The following SLC22A3 variants were observed in gnomAD, a reference collection of about 807,000 sequenced individuals.
SLC22A3 encodes the protein solute carrier family 22 member 3.
A neutral mutation model predicts 59.1 loss-of-function variants in SLC22A3; 51 were observed. That is an observed-to-expected ratio of 0.86 (90% CI 0.69 to 1.09). SLC22A3 has a LOEUF of 1.09. Among genes scored for constraint, SLC22A3 ranks in the 50% least tolerant of loss-of-function variants. The pLI is 0.00. For synonymous variants in SLC22A3, 325 were observed against 292.0 expected, an observed-to-expected ratio of 1.11 and a Z score of -1.15; for missense variants, 711 against 726.3, an observed-to-expected ratio of 0.98 and a Z score of 0.24.
chr6:160,384,091 A>G (rs1467425069), intron 1 of SLC22A3, among the ~76,000 whole-genome samples: 1 of 152,128 alleles, frequency 6.6e-6, no homozygotes, highest in Non-Finnish European at 1.5e-5. Context: ...CACCAGGACC[A>G]GCTAATTCTT....
At chr6:160,431,387 T>C (rs1788145926) in intron 5 of SLC22A3, among the ~76,000 whole-genome samples, 1 of 152,184 alleles carries the variant, frequency 6.6e-6, no homozygotes, top group Non-Finnish European at 1.5e-5. Context: ...AGAAAGTGGG[T>C]CATCTTTCAG....
intron 1 of SLC22A3, among the ~76,000 whole-genome samples, chr6:160,363,003 G>A (rs917137596): frequency 2.6e-5 from 4 of 152,120 alleles, no homozygotes; most frequent in African/African-American, 9.6e-5. Flanking sequence ...AGGCAGCCCC[G>A]GAGCCCGCCG....
intron 2 of SLC22A3, among the ~76,000 whole-genome samples, chr6:160,402,206 A>G (rs2114842142): frequency 6.6e-6 from 1 of 152,084 alleles, no homozygotes; most frequent in African/African-American, 2.4e-5. Context: ...CTATACCATG[A>G]TAGCAGTAAT....
chr6:160,375,457 C>T (rs1309602694), intron 1 of SLC22A3, among the ~76,000 whole-genome samples: 1 of 151,924 alleles, frequency 6.6e-6, no homozygotes, highest in Non-Finnish European at 1.5e-5. Context: ...CCCCCACCAC[C>T]CTCCACCCCC....
intron 7 of SLC22A3, 59 bp downstream of exon 7, chr6:160,437,270 A>C: frequency 6.5e-7 from 1 of 1,527,578 alleles, no homozygotes; most frequent in Non-Finnish European, 9.1e-7. Context: ...TAAATCCACA[A>C]TCAAGTATAG....
Position 160,360,255 on chromosome 6 carries a change from C to T in SLC22A3, c.429+11407C>T, listed in dbSNP as rs186263123. Among the ~76,000 whole-genome samples, 518 of 152,162 alleles carry T rather than the reference C, an allele frequency of 3.4e-3. 3 individuals carry two copies. The highest frequency in any genetic ancestry group is 0.012 in the African/African-American group (493 of 41,516). On this transcript the variant is annotated intron_variant, in intron 1 of 10. Coordinates refer to ENST00000275300, the MANE Select transcript of SLC22A3 (RefSeq NM_021977.4). Reference sequence around the variant, plus strand: ...GGTGGATCACCTGAGGTCAGGAGTTCGAGACCAGCCTGGATAACATGGTGA... The same window carrying T: ...GGTGGATCACCTGAGGTCAGGAGTTTGAGACCAGCCTGGATAACATGGTGA...
intron 7 of SLC22A3, among the ~76,000 whole-genome samples, chr6:160,439,184 T>C (rs1788456046): frequency 1.3e-5 from 2 of 152,100 alleles, no homozygotes; most frequent in African/African-American, 4.8e-5. Context: ...AAAATAGACA[T>C]AATTCCTGCC....
At chr6:160,365,234 T>C (rs1265744010) in intron 1 of SLC22A3, among the ~76,000 whole-genome samples, 1 of 152,164 alleles carries the variant, frequency 6.6e-6, no homozygotes. Flanking sequence ...CCTCATGAGG[T>C]AAGTCATTAT....
At chr6:160,422,858 T>C (rs1787797230) in intron 5 of SLC22A3, among the ~76,000 whole-genome samples, 1 of 152,110 alleles carries the variant, frequency 6.6e-6, no homozygotes, top group Admixed American at 6.5e-5. Context: ...ATACTTTAAG[T>C]TCTAGGGTAC....
chr6:160,426,369 T>G (rs1398858679), intron 5 of SLC22A3: 1 of 984,914 alleles, frequency 1.0e-6, no homozygotes, highest in Non-Finnish European at 1.2e-6. Context: ...GTTGGGTTAC[T>G]TAAGACTCTG....
At chr6:160,434,988 T>C (rs1168295338) in intron 5 of SLC22A3, among the ~76,000 whole-genome samples, 1 of 152,220 alleles carries the variant, frequency 6.6e-6, no homozygotes. Context: ...ACACAGGTGG[T>C]ATGGTTGAAG....
chr6:160,449,297 C>T (rs1788862653), intron 10 of SLC22A3, among the ~76,000 whole-genome samples: 1 of 151,802 alleles, frequency 6.6e-6, no homozygotes, highest in African/African-American at 2.4e-5. Context: ...AAATCAATAC[C>T]CAACTAACAT....
At chr6:160,374,677 T>C (rs2114781196) in intron 1 of SLC22A3, among the ~76,000 whole-genome samples, 2 of 152,108 alleles carry the variant, frequency 1.3e-5, no homozygotes, top group East Asian at 3.9e-4. Context: ...ATGGGGGGCA[T>C]TTCCCTTGAC....
chr6:160,439,253 T>C lies in SLC22A3; in HGVS notation c.1288+2042T>C, dbSNP rs1788458664. On this transcript the variant is annotated intron_variant, in intron 7 of 10. Coordinates refer to ENST00000275300, the MANE Select transcript of SLC22A3 (RefSeq NM_021977.4). ...TCGCAAACATTGGAGACGTTACTGT[T>C]CTATTTTACTTTGGTACTTTGGATA... Among the ~76,000 whole-genome samples, 3 of 152,190 alleles carry C rather than the reference T, an allele frequency of 2.0e-5. No individual in the cohort carries two copies. In the South Asian group the frequency reaches 6.2e-4, roughly 32 times the overall value.
At chr6:160,401,006 A>C (rs1013799316) in intron 2 of SLC22A3, among the ~76,000 whole-genome samples, 64 of 120,274 alleles carry the variant, frequency 5.3e-4, no homozygotes, top group Non-Finnish European at 8.7e-4. Flanking sequence ...AAAAAAAAAA[A>C]CCCACACACA....
intron 5 of SLC22A3, among the ~76,000 whole-genome samples, chr6:160,420,072 A>G (rs909382539): frequency 6.6e-6 from 1 of 152,108 alleles, no homozygotes; most frequent in African/African-American, 2.4e-5. Context: ...AAGACCCCCA[A>G]CTTCCTTTCT....
chr6:160,380,348 ATG>A (rs1204094042), intron 1 of SLC22A3, among the ~76,000 whole-genome samples: 1 of 152,084 alleles, frequency 6.6e-6, no homozygotes, highest in Non-Finnish European at 1.5e-5. Flanking sequence ...CAGGTTTTCA[ATG>A]TGTTTCTGTA....
At chr6:160,369,708 GAT>G (rs1785332374) in intron 1 of SLC22A3, among the ~76,000 whole-genome samples, 1 of 152,000 alleles carries the variant, frequency 6.6e-6, no homozygotes, top group African/African-American at 2.4e-5. Context: ...ATTTTATTTA[GAT>G]TTTTTTGCAG....
At chr6:160,414,459 T>C (rs984483349) in intron 5 of SLC22A3, among the ~76,000 whole-genome samples, 7 of 152,242 alleles carry the variant, frequency 4.6e-5, no homozygotes, top group African/African-American at 1.7e-4. Context: ...GTTGAGTGTG[T>C]TTATTTAAAC....
Sources: gnomAD v4.1 joint callset for allele counts (sites outside exome capture counted in the v4.1 genomes callset) on GRCh38, gnomAD v4.1.1 for gene constraint, MANE v1.5 for transcripts, NCBI Gene and HGNC (gene_info 2026-07-23, HGNC 2026-07-21) for gene names.